Variants in DMD observed in about 807,000 individuals in gnomAD.
The protein encoded by DMD is mutant dystrophin.
A neutral mutation model predicts 330.1 loss-of-function variants in DMD; 63 were observed. That is an observed-to-expected ratio of 0.19 (90% CI 0.16 to 0.24). The LOEUF (loss-of-function observed/expected upper bound fraction) is 0.24, where lower values mean the gene tolerates loss of function less well. Among genes scored for constraint, DMD ranks in the 10% least tolerant of loss-of-function variants. DMD has a pLI of 1.00. For synonymous variants in DMD, 1,223 were observed against 959.8 expected (o/e 1.27, Z -5.07); for missense variants, 3,344 against 2,684.1 (o/e 1.25, Z -5.43).
intron 2 of DMD, among the ~76,000 whole-genome samples, chrX:32,999,370 A>G (rs925820980): frequency 2.7e-5 from 3 of 111,894 alleles, no homozygotes; most frequent in Admixed American, 9.5e-5. Flanking sequence ...CAATTCTCCC[A>G]GTGTGGCCCA....
chrX:31,621,792 T>G, intron 55 of DMD, among the ~76,000 whole-genome samples: 1 of 111,966 alleles, frequency 8.9e-6, no homozygotes, highest in South Asian at 3.8e-4. Context: ...TTTCATTTCT[T>G]GTAGCAACCA....
chrX:32,731,980 T>C lies in DMD; in HGVS notation c.650-32687A>G, dbSNP rs766589127. Among the ~76,000 whole-genome samples the C allele has an allele frequency of 3.4e-3, 383 of 111,526 alleles. 5 individuals carry two copies. Among genetic ancestry groups the C allele is most frequent in the African/African-American group, 0.012 (372 of 30,675 alleles). ...AATTACTCTGAGCTACGGGAGGACA[T>C]TCAAACCAAAGGCAAAGAAGTTGAA... On this transcript the variant is annotated intron_variant, in intron 7 of 78. Transcript: ENST00000357033.
intron 38 of DMD, among the ~76,000 whole-genome samples, chrX:32,347,998 T>C (rs767499556): frequency 3.6e-5 from 4 of 112,193 alleles, no homozygotes; most frequent in African/African-American, 1.3e-4. Context: ...GTTCATATTA[T>C]GCATTATTCT....
chrX:33,158,680 C>A (rs896231358), intron 1 of DMD, among the ~76,000 whole-genome samples: 1 of 111,592 alleles, frequency 9.0e-6, no homozygotes. Context: ...ATGGAGCAGG[C>A]CTGTTGGTGA....
chrX:31,530,922 G>A (rs372721251), intron 55 of DMD, among the ~76,000 whole-genome samples: 5 of 79,818 alleles, frequency 6.3e-5, no homozygotes, highest in East Asian at 4.1e-4. Context: ...GAGAATATGC[G>A]GTGTTTGGTT....
Position 32,515,090 on chromosome X carries a change from G to C in DMD, c.2292+2918C>G, listed in dbSNP as rs193204909. ...GGGAGTCAGTCATTCTAAAGTAGTG[G>C]GGGTACAAAAGAGGGATGAGTCATA... On this transcript the variant is annotated intron_variant, in intron 18 of 78. Transcript: ENST00000357033. 7.2e-5 allele frequency among the ~76,000 whole-genome samples: 8 copies of C among 111,746 alleles called. No individual in the cohort carries two copies. The Admixed American group carries it at 7.6e-4, about 11-fold the overall frequency.
chrX:32,001,992 C>T (rs1432791005), intron 44 of DMD, among the ~76,000 whole-genome samples: 1 of 111,632 alleles, frequency 9.0e-6, no homozygotes, highest in Non-Finnish European at 1.9e-5. Context: ...TTCTGTAAGC[C>T]GTTCCTTTCT....
intron 7 of DMD, among the ~76,000 whole-genome samples, chrX:32,765,736 G>A (rs2072905719): frequency 9.0e-6 from 1 of 111,478 alleles, no homozygotes; most frequent in African/African-American, 3.3e-5. Context: ...TAATTTTTCT[G>A]TTGTAGCCTG....
At chrX:33,125,632 T>C (rs1262743568) in intron 1 of DMD, among the ~76,000 whole-genome samples, 4 of 112,015 alleles carry the variant, frequency 3.6e-5, no homozygotes, top group African/African-American at 3.2e-5. Flanking sequence ...TTTTGAATGT[T>C]TGACTTTAGT....
chrX:32,489,285 T>C (rs1409121566), intron 20 of DMD, among the ~76,000 whole-genome samples: 1 of 108,978 alleles, frequency 9.2e-6, no homozygotes, highest in Non-Finnish European at 1.9e-5. Context: ...GACTATTTGG[T>C]GATAGGACTT....
intron 51 of DMD, among the ~76,000 whole-genome samples, chrX:31,749,308 A>C (rs1355765097): frequency 1.2e-3 from 72 of 61,491 alleles, no homozygotes; most frequent in Admixed American, 1.7e-3. Context: ...CCCACCCCAC[A>C]ACAGTCCCCA....
In DMD at chrX:31,831,818, G is replaced by A. The variant is rs768823910; in HGVS notation, c.7200+4900C>T. ...GGGGTTTCACCATGTTAGCCAGGATGGTCTCGATCTCCTGACTTTGTGATC... is the reference window on the plus strand; with the variant it reads ...GGGGTTTCACCATGTTAGCCAGGATAGTCTCGATCTCCTGACTTTGTGATC... On this transcript the variant is annotated intron_variant, in intron 49 of 78. Transcript: ENST00000357033. Among the ~76,000 whole-genome samples the A allele has an allele frequency of 7.8e-4, 87 of 111,808 alleles. 1 individual carries two copies. The highest frequency in any genetic ancestry group is 2.8e-3 in the African/African-American group (86 of 30,738).
At chrX:31,452,854 A>C (rs934526569) in intron 59 of DMD, among the ~76,000 whole-genome samples, 5 of 111,852 alleles carry the variant, frequency 4.5e-5, no homozygotes, top group African/African-American at 9.7e-5. Context: ...GAAATGAGGA[A>C]CAGGGAAGTA....
chrX:32,785,186 G>C (rs1048076421), intron 7 of DMD, among the ~76,000 whole-genome samples: 1 of 103,909 alleles, frequency 9.6e-6, no homozygotes, highest in Admixed American at 1.0e-4. Flanking sequence ...ACAAATGCTC[G>C]TGCTCTATAA....
intron 1 of DMD, among the ~76,000 whole-genome samples, chrX:33,270,773 T>C (rs1312451767): frequency 8.9e-6 from 1 of 111,900 alleles, no homozygotes; most frequent in Non-Finnish European, 1.9e-5. Context: ...ACAAAAACAA[T>C]TTCAACACAG....
intron 44 of DMD, among the ~76,000 whole-genome samples, chrX:32,100,076 G>C (rs1222628263): frequency 1.8e-5 from 2 of 110,257 alleles, no homozygotes; most frequent in African/African-American, 3.3e-5. Flanking sequence ...GCCTCTCTCT[G>C]AGATCTATTT....
At position 31,707,673 on chromosome X, in the gene DMD, G is replaced by T. The variant is rs771318648; in HGVS notation, c.7660+21958C>A. ...GAAAAGGAACCAACAATGAGAGAAG[G>T]ATATAGGATTTTAAAACATAGCTTC... On this transcript the variant is annotated intron_variant, in intron 52 of 78. Transcript: ENST00000357033. 1.2e-4 allele frequency among the ~76,000 whole-genome samples: 13 copies of T among 111,457 alleles called. No individual in the cohort carries two copies. The South Asian group carries it at 4.9e-3, about 42-fold the overall frequency.
chrX:32,384,387 T>G (rs1312049393), intron 33 of DMD, among the ~76,000 whole-genome samples: 1 of 111,091 alleles, frequency 9.0e-6, no homozygotes, highest in African/African-American at 3.2e-5. Flanking sequence ...CAAAGGTACC[T>G]TGGTAGACCA....
At chrX:31,421,448 AAAT>A (rs200464970) in intron 60 of DMD, among the ~76,000 whole-genome samples, 3,572 of 111,996 alleles carry the variant, frequency 0.032, 132 homozygotes, top group African/African-American at 0.11. Flanking sequence ...AAGGATCATA[AAAT>A]AATAATGATC....
Sources: gnomAD v4.1 joint callset for allele counts (sites outside exome capture counted in the v4.1 genomes callset) on GRCh38, gnomAD v4.1.1 for gene constraint, MANE v1.5 for transcripts, NCBI Gene and HGNC (gene_info 2026-07-23, HGNC 2026-07-21) for gene names.